The following ARL6IP6 variants were observed in gnomAD, a reference collection of about 807,000 sequenced individuals.
ARL6IP6 encodes ARF like GTPase 6 interacting protein 6, also known as ADP-ribosylation factor-like protein 6-interacting protein 6.
In ARL6IP6, 22 loss-of-function variants were observed where a neutral mutation model predicts 21.5. That is an observed-to-expected ratio of 1.02 (90% CI 0.73 to 1.46). The LOEUF (loss-of-function observed/expected upper bound fraction) is 1.46, where lower values mean the gene tolerates loss of function less well. Ranked by LOEUF, ARL6IP6 falls within the 40% of genes most tolerant of loss-of-function variation. ARL6IP6 has a pLI of 0.00. For synonymous variants in ARL6IP6, 164 were observed against 125.3 expected, an observed-to-expected ratio of 1.31 and a Z score of -2.06; for missense variants, 388 against 299.8, an observed-to-expected ratio of 1.29 and a Z score of -2.17.
chr2:152,760,173 A>G lies in ARL6IP6; in HGVS notation c.*333A>G, dbSNP rs1701770815. On this transcript the variant is annotated 3_prime_UTR_variant, in exon 4 of 4. Coordinates refer to ENST00000326446, the MANE Select transcript of ARL6IP6 (RefSeq NM_152522.7). ...AATTTAAACTCAAAAACTTGAATAC[A>G]GGACAATGCTTGCCTTTTCATGTAT... The G allele has an allele frequency of 5.4e-6, 1 of 183,824 alleles. No homozygotes were observed. The highest frequency in any genetic ancestry group is 1.4e-4 in the South Asian group (1 of 7,288). 11.4% of individuals were successfully genotyped at this position (183,824 alleles called of 1,614,324 possible).
At chr2:152,724,415 C>G (rs980221449) in intron 2 of ARL6IP6, among the ~76,000 whole-genome samples, 1 of 152,096 alleles carries the variant, frequency 6.6e-6, no homozygotes, top group Non-Finnish European at 1.5e-5. Context: ...TTATTTTCTT[C>G]TAAACCAAAA....
chr2:152,750,320 A>G (rs1701266479), intron 3 of ARL6IP6, among the ~76,000 whole-genome samples: 1 of 152,054 alleles, frequency 6.6e-6, no homozygotes, highest in South Asian at 2.1e-4. Context: ...CTAAAAATAC[A>G]AAAATTAGCT....
At chr2:152,717,965 G>A (rs1384428664), upstream of ARL6IP6, 8 of 1,007,700 alleles carry the variant, frequency 7.9e-6, no homozygotes, top group Non-Finnish European at 7.1e-6. Flanking sequence ...GAGGGGTTCG[G>A]AGGAGAGGGT....
chr2:152,718,566 C>T, upstream of ARL6IP6: 3 of 1,485,540 alleles, frequency 2.0e-6, no homozygotes, highest in Non-Finnish European at 2.7e-6. Flanking sequence ...CTGTTGCGGA[C>T]CCGGGGCGGG....
chr2:152,762,181 A>G lies in ARL6IP6; in HGVS notation c.*2341A>G, dbSNP rs1211178542. ...ACTTCAGTGAAGTATGTCTCTTCCC[A>G]GGATTTTTCAGCTTGAAATTAAGAT... is the stretch of plus-strand genomic sequence containing the variant. On this transcript the variant is annotated 3_prime_UTR_variant, in exon 4 of 4. Transcript: ENST00000326446. Among the ~76,000 whole-genome samples the G allele has an allele frequency of 2.6e-5, 4 of 152,216 alleles. No homozygotes were observed. The highest frequency in any genetic ancestry group is 2.9e-5 in the Non-Finnish European group (2 of 68,042).
At chr2:152,728,160 T>G (rs1432934507) in intron 2 of ARL6IP6, among the ~76,000 whole-genome samples, 1 of 152,204 alleles carries the variant, frequency 6.6e-6, no homozygotes, top group Non-Finnish European at 1.5e-5. Context: ...TACATAGGTC[T>G]ACCTCATTTT....
chr2:152,725,870 A>G (rs529239080), intron 2 of ARL6IP6, among the ~76,000 whole-genome samples: 60 of 152,214 alleles, frequency 3.9e-4, no homozygotes, highest in Non-Finnish European at 6.9e-4. Flanking sequence ...AAAATTTTTA[A>G]CAAAGTTTTT....
intron 3 of ARL6IP6, among the ~76,000 whole-genome samples, chr2:152,744,340 T>A (rs1198613340): frequency 3.9e-5 from 6 of 152,118 alleles, no homozygotes; most frequent in African/African-American, 1.4e-4. Context: ...CTAGGCAGAT[T>A]GGAAGACACA....
At chr2:152,748,415 T>G (rs1361388578) in intron 3 of ARL6IP6, among the ~76,000 whole-genome samples, 3 of 152,242 alleles carry the variant, frequency 2.0e-5, no homozygotes, top group African/African-American at 7.2e-5. Flanking sequence ...AGGTTTAGTG[T>G]TAAGATCTTT....
In ARL6IP6 at chr2:152,755,561, G is replaced by C. The variant is rs186826635; in HGVS notation, c.588-4186G>C. 2.4e-4 allele frequency among the ~76,000 whole-genome samples: 36 copies of C among 152,164 alleles called. 1 individual carries two copies. Among genetic ancestry groups the C allele is most frequent in the Admixed American group, 2.4e-3 (36 of 15,270 alleles). On this transcript the variant is annotated intron_variant, in intron 3 of 3. Coordinates refer to ENST00000326446, the MANE Select transcript of ARL6IP6 (RefSeq NM_152522.7). ...TATGCAGAAATAATGACATAAGCCT[G>C]TCTCTCTCTCTTCCTCTCTCTCTCT...
intron 3 of ARL6IP6, among the ~76,000 whole-genome samples, chr2:152,741,504 A>G (rs1426538498): frequency 6.6e-6 from 1 of 152,140 alleles, no homozygotes; most frequent in East Asian, 1.9e-4. Flanking sequence ...CCTCAGAGGA[A>G]GAAAAAAAGT....
chr2:152,727,412 T>A (rs1700096186), intron 2 of ARL6IP6, among the ~76,000 whole-genome samples: 2 of 151,458 alleles, frequency 1.3e-5, no homozygotes, highest in South Asian at 4.1e-4. Context: ...AAGGTTAATT[T>A]ATTAATGAAG....
chr2:152,761,842 A>T lies in ARL6IP6; in HGVS notation c.*2002A>T, dbSNP rs1348744763. On this transcript the variant is annotated 3_prime_UTR_variant, in exon 4 of 4. Transcript: ENST00000326446. ...ACTCTGATGTTCACACAATGATGAA[A>T]TTGCCTAATGACGCTTTTCTCAGAA... Among the ~76,000 whole-genome samples the T allele has an allele frequency of 6.6e-6, 1 of 152,168 alleles. No homozygotes were observed. Among genetic ancestry groups the T allele is most frequent in the Non-Finnish European group, 1.5e-5 (1 of 68,038 alleles).
At position 152,762,188 on chromosome 2, in the gene ARL6IP6, T is replaced by C. The variant is rs1009500082; in HGVS notation, c.*2348T>C. Reference sequence around the variant, plus strand: ...TGAAGTATGTCTCTTCCCAGGATTTTTCAGCTTGAAATTAAGATGTGACGA... The same window carrying C: ...TGAAGTATGTCTCTTCCCAGGATTTCTCAGCTTGAAATTAAGATGTGACGA... On this transcript the variant is annotated 3_prime_UTR_variant, in exon 4 of 4. Coordinates refer to ENST00000326446, the MANE Select transcript of ARL6IP6 (RefSeq NM_152522.7). Among the ~76,000 whole-genome samples, 1 of 152,196 alleles carries C rather than the reference T, an allele frequency of 6.6e-6. No homozygotes were observed. The highest frequency in any genetic ancestry group is 2.4e-5 in the African/African-American group (1 of 41,436).
intron 3 of ARL6IP6, among the ~76,000 whole-genome samples, chr2:152,736,205 T>C: frequency 6.6e-6 from 1 of 152,194 alleles, no homozygotes; most frequent in East Asian, 1.9e-4. Context: ...TACAATGCCA[T>C]CCCGTAGTTT....
chr2:152,755,452 C>G (rs919896039), intron 3 of ARL6IP6, among the ~76,000 whole-genome samples: 3 of 152,182 alleles, frequency 2.0e-5, no homozygotes, highest in Admixed American at 2.0e-4. Context: ...CCTGGTCCAC[C>G]CACTTTCATG....
chr2:152,753,842 G>A (rs569991746), intron 3 of ARL6IP6, among the ~76,000 whole-genome samples: 2 of 151,760 alleles, frequency 1.3e-5, no homozygotes, highest in South Asian at 2.1e-4. Context: ...CACTACAGGC[G>A]CTCGCCACCA....
chr2:152,718,144 A>G, upstream of ARL6IP6: 1 of 825,094 alleles, frequency 1.2e-6, no homozygotes, highest in Non-Finnish European at 1.5e-6. Context: ...TTAATGGGGG[A>G]ACCTGGAGAA....
At chr2:152,735,480 G>A (rs116395785) in intron 3 of ARL6IP6, among the ~76,000 whole-genome samples, 2,862 of 152,214 alleles carry the variant, frequency 0.019, 40 homozygotes, top group Middle Eastern at 0.058. Context: ...TTCACACATG[G>A]TCAGACTTAC....
Sources: allele counts gnomAD v4.1 joint callset (sites outside exome capture counted in the v4.1 genomes callset), GRCh38; gene constraint gnomAD v4.1.1; transcripts MANE v1.5; gene names NCBI Gene and HGNC (gene_info 2026-07-23, HGNC 2026-07-21).